Variants in KCNJ3 observed in about 807,000 individuals in gnomAD.
KCNJ3 encodes G protein-activated inward rectifier potassium channel 1.
A neutral mutation model predicts 39.2 loss-of-function variants in KCNJ3; 4 were observed. The ratio of observed to expected loss-of-function variants is 0.10; its 90% CI spans 0.05 to 0.23. The LOEUF (loss-of-function observed/expected upper bound fraction) is 0.23, where lower values mean the gene tolerates loss of function less well. KCNJ3 is among the 10% of genes least tolerant of loss of function. The probability of loss-of-function intolerance (pLI) is 1.00; values close to 1 mark genes in which losing one functional copy is unlikely to be tolerated. For missense variants in KCNJ3, 276 were observed against 634.9 expected (o/e 0.43, Z 6.08); for synonymous variants, 230 against 237.4 (o/e 0.97, Z 0.29).
At chr2:154,773,728 G>A (rs1396360669) in intron 2 of KCNJ3, among the ~76,000 whole-genome samples, 3 of 152,070 alleles carry the variant, frequency 2.0e-5, no homozygotes, top group Non-Finnish European at 2.9e-5. Context: ...ATTTTCAGAA[G>A]TTTTGAAGGG....
intron 2 of KCNJ3, among the ~76,000 whole-genome samples, chr2:154,817,079 C>T (rs554451890): frequency 1.5e-4 from 23 of 152,116 alleles, no homozygotes; most frequent in Admixed American, 5.2e-4. Flanking sequence ...ACAAAAATAA[C>T]ACAATCATTT....
At chr2:154,788,277 GATATA>G (rs1686569144) in intron 2 of KCNJ3, among the ~76,000 whole-genome samples, 1 of 152,078 alleles carries the variant, frequency 6.6e-6, no homozygotes, top group Non-Finnish European at 1.5e-5. Flanking sequence ...ATATTGAGAA[GATATA>G]ATAAAGTAAC....
At chr2:154,716,341 G>A (rs1411078515) in intron 2 of KCNJ3, among the ~76,000 whole-genome samples, 2 of 143,374 alleles carry the variant, frequency 1.4e-5, no homozygotes, top group Admixed American at 1.5e-4. Flanking sequence ...TCGCCAGGAT[G>A]GTCTTGATCT....
intron 2 of KCNJ3, among the ~76,000 whole-genome samples, chr2:154,831,264 T>C (rs1459383613): frequency 6.6e-6 from 1 of 152,152 alleles, no homozygotes; most frequent in African/African-American, 2.4e-5. Flanking sequence ...CCCTTCAATA[T>C]ACAACACCAA....
At chr2:154,772,307 C>A (rs1411154643) in intron 2 of KCNJ3, among the ~76,000 whole-genome samples, 1 of 151,964 alleles carries the variant, frequency 6.6e-6, no homozygotes, top group East Asian at 1.9e-4. Context: ...TTTTCCTGTT[C>A]CCACTCCTTA....
intron 2 of KCNJ3, among the ~76,000 whole-genome samples, chr2:154,816,031 T>A (rs1055216887): frequency 1.3e-5 from 2 of 152,152 alleles, no homozygotes; most frequent in Non-Finnish European, 2.9e-5. Flanking sequence ...CTTGCTTACT[T>A]TTTTTCTCTT....
At chr2:154,768,014 C>T (rs1292237607) in intron 2 of KCNJ3, among the ~76,000 whole-genome samples, 1 of 152,162 alleles carries the variant, frequency 6.6e-6, no homozygotes, top group Non-Finnish European at 1.5e-5. Flanking sequence ...ATATCCTTCA[C>T]CCACTTTTTG....
At chr2:154,816,516 C>T (rs1480018894) in intron 2 of KCNJ3, among the ~76,000 whole-genome samples, 1 of 152,122 alleles carries the variant, frequency 6.6e-6, no homozygotes, top group Non-Finnish European at 1.5e-5. Context: ...AATAAAAGCA[C>T]ATTCACAAAT....
At chr2:154,755,312 A>G (rs2105184711) in intron 2 of KCNJ3, among the ~76,000 whole-genome samples, 1 of 152,136 alleles carries the variant, frequency 6.6e-6, no homozygotes, top group South Asian at 2.1e-4. Context: ...CTTGAGATGT[A>G]AGCTTACATT....
At chr2:154,833,128 T>C (rs1048725705) in intron 2 of KCNJ3, among the ~76,000 whole-genome samples, 1 of 152,210 alleles carries the variant, frequency 6.6e-6, no homozygotes, top group African/African-American at 2.4e-5. Context: ...TGGTGGTAAA[T>C]CTTTATGTCA....
chr2:154,842,236 T>C (rs995885734), intron 2 of KCNJ3, among the ~76,000 whole-genome samples: 4 of 152,222 alleles, frequency 2.6e-5, no homozygotes, highest in Admixed American at 2.0e-4. Flanking sequence ...TCAGTTTCCA[T>C]GTAGTTGTGC....
intron 2 of KCNJ3, among the ~76,000 whole-genome samples, chr2:154,755,914 G>A (rs955551545): frequency 1.2e-4 from 18 of 151,998 alleles, no homozygotes; most frequent in African/African-American, 4.1e-4. Flanking sequence ...AATAGGGATA[G>A]TTAATAGAGA....
At chr2:154,796,603 A>C (rs377345165) in intron 2 of KCNJ3, among the ~76,000 whole-genome samples, 6 of 151,426 alleles carry the variant, frequency 4.0e-5, no homozygotes, top group African/African-American at 1.5e-4. Flanking sequence ...ATTGCTAACT[A>C]ATGTTTGAGT....
chr2:154,839,742 G>T (rs1687542237), intron 2 of KCNJ3, among the ~76,000 whole-genome samples: 1 of 152,156 alleles, frequency 6.6e-6, no homozygotes, highest in Non-Finnish European at 1.5e-5. Context: ...CCTTTGAGAA[G>T]TGTCTGTTCA....
At chr2:154,780,175 T>C (rs911124756) in intron 2 of KCNJ3, among the ~76,000 whole-genome samples, 2 of 152,072 alleles carry the variant, frequency 1.3e-5, no homozygotes, top group Admixed American at 6.6e-5. Context: ...GGGATTGTGG[T>C]AAAGAAAAAA....
intron 2 of KCNJ3, among the ~76,000 whole-genome samples, chr2:154,766,945 C>T (rs1686146332): frequency 6.6e-6 from 1 of 151,962 alleles, no homozygotes; most frequent in South Asian, 2.1e-4. Flanking sequence ...CTGTATCTGC[C>T]AGAGGGTTAC....
chr2:154,778,133 C>T (rs1686371618), intron 2 of KCNJ3, among the ~76,000 whole-genome samples: 1 of 151,854 alleles, frequency 6.6e-6, no homozygotes, highest in South Asian at 2.1e-4. Flanking sequence ...TTGAAGAGTC[C>T]TTAGGTCTAG....
At chr2:154,763,697 A>G (rs1331522718) in intron 2 of KCNJ3, among the ~76,000 whole-genome samples, 1 of 152,160 alleles carries the variant, frequency 6.6e-6, no homozygotes, top group Non-Finnish European at 1.5e-5. Context: ...GATCTTGCAT[A>G]GTGAGAGATG....
intron 2 of KCNJ3, among the ~76,000 whole-genome samples, chr2:154,720,113 A>G (rs533516816): frequency 6.6e-6 from 1 of 152,082 alleles, no homozygotes; most frequent in Non-Finnish European, 1.5e-5. Flanking sequence ...TATGAACTGG[A>G]ACATCTTAAT....
Sources: gnomAD v4.1 joint callset for allele counts (sites outside exome capture counted in the v4.1 genomes callset) on GRCh38, gnomAD v4.1.1 for gene constraint, MANE v1.5 for transcripts, NCBI Gene and HGNC (gene_info 2026-07-23, HGNC 2026-07-21) for gene names.